NRG2: variants seen among roughly 807,000 people sequenced by gnomAD.
NRG2 encodes the protein neuregulin 2.
NRG2 carries 27 observed loss-of-function variants against 73.9 expected under a neutral mutation model. That is an observed-to-expected ratio of 0.37 (90% CI 0.27 to 0.50). NRG2 has a LOEUF of 0.50. Among genes scored for constraint, NRG2 ranks in the 20% least tolerant of loss-of-function variants. NRG2 has a pLI of 0.96. For synonymous variants in NRG2, 532 were observed against 541.0 expected (o/e 0.98, Z 0.23); for missense variants, 1,126 against 1,210.1 (o/e 0.93, Z 1.03).
rs1372637932 is a variant in NRG2 at position 139,874,106 on chromosome 5, CA to C, written c.992-2266del. On this transcript the variant is annotated intron_variant, in intron 3 of 9. Transcript: ENST00000361474. ...CCAAGATACTGCAGCCCAACTCTGC[CA>C]GTGGCAAAGCCATACTCCAGGGAGA... 3.9e-5 allele frequency among the ~76,000 whole-genome samples: 6 copies of C among 152,230 alleles called. No homozygotes were observed. The East Asian group carries it at 9.6e-4, about 24-fold the overall frequency.
chr5:139,852,940 G>C lies in NRG2; in HGVS notation c.1380C>G (p.His460Gln). The change falls in exon 7 of 10, where the codon CAC becomes CAG. Residue 460 changes from histidine to glutamine, a missense_variant. Physicochemically the swap from His to Gln is conservative, Grantham distance 24. This residue lies in a region of NRG2 where 539 missense variants were observed against 703.2 expected (regional missense o/e 0.77). Coordinates refer to ENST00000361474, the MANE Select transcript of NRG2 (RefSeq NM_004883.3). This position sits in a 1 kb window ranked among gnomAD's most constrained non-coding sequence, Gnocchi z 4.4. ...QNRSLANGPS[H>Q]PRLDPEEIQM... ...GGATCTCCTCTGGGTCCAGCCGGGGGTGGCTGGGCCCATTGGCCAAGCTCC... is the reference window on the plus strand; with the variant it reads ...GGATCTCCTCTGGGTCCAGCCGGGGCTGGCTGGGCCCATTGGCCAAGCTCC... The C allele has an allele frequency of 6.2e-7, 1 of 1,612,012 alleles. No homozygotes were observed. Among genetic ancestry groups the C allele is most frequent in the Middle Eastern group, 1.7e-4 (1 of 6,050 alleles).
In NRG2 at chr5:139,894,100, C is replaced by G. The variant is rs934124561; in HGVS notation, c.701-6589G>C. ...GCCAGCAGCTTAACCTCATTCCTCTCGGCAGTGGGCGGTGGGTGCGGAGCC... is the reference window on the plus strand; with the variant it reads ...GCCAGCAGCTTAACCTCATTCCTCTGGGCAGTGGGCGGTGGGTGCGGAGCC... On this transcript the variant is annotated intron_variant, in intron 1 of 9. Transcript: ENST00000361474. The surrounding 1 kb of genome is among the most constrained non-coding windows in gnomAD (Gnocchi z 5.0). 6.6e-6 allele frequency among the ~76,000 whole-genome samples: 1 copy of G among 152,324 alleles called. No homozygotes were observed. Among genetic ancestry groups the G allele is most frequent in the African/African-American group, 2.4e-5 (1 of 41,574 alleles).
intron 1 of NRG2, among the ~76,000 whole-genome samples, chr5:139,988,235 G>A (rs2126583465): frequency 6.6e-6 from 1 of 152,148 alleles, no homozygotes; most frequent in East Asian, 1.9e-4. Context: ...TTGGAAGATA[G>A]TTTGACAGTT....
chr5:139,963,488 T>C (rs1755238785), intron 1 of NRG2, among the ~76,000 whole-genome samples: 1 of 152,222 alleles, frequency 6.6e-6, no homozygotes, highest in South Asian at 2.1e-4. Flanking sequence ...CATATCTCCC[T>C]GAGATTCCTC....
rs1463593397 is a variant in NRG2, at chr5:139,904,611, G to C, written c.701-17100C>G. On this transcript the variant is annotated intron_variant, in intron 1 of 9. Transcript: ENST00000361474. The surrounding 1 kb of genome is among the most constrained non-coding windows in gnomAD (Gnocchi z 6.0). Reference sequence around the variant, plus strand: ...CTCGGGCCGCGGGGGCGTGTGGGCGGCCGGTCTGGGCCCTAGGCCCCCTCC... The same window carrying C: ...CTCGGGCCGCGGGGGCGTGTGGGCGCCCGGTCTGGGCCCTAGGCCCCCTCC... Among the ~76,000 whole-genome samples the C allele has an allele frequency of 6.6e-6, 1 of 152,156 alleles. No homozygotes were observed. The highest frequency in any genetic ancestry group is 1.5e-5 in the Non-Finnish European group (1 of 68,002).
chr5:139,968,188 G>A (rs1755691457), intron 1 of NRG2, among the ~76,000 whole-genome samples: 1 of 152,000 alleles, frequency 6.6e-6, no homozygotes, highest in Non-Finnish European at 1.5e-5. Context: ...ATGAAATACC[G>A]AGGCTGGGCC....
intron 5 of NRG2, among the ~76,000 whole-genome samples, chr5:139,861,114 CCT>C (rs951015736): frequency 1.3e-5 from 2 of 152,176 alleles, no homozygotes; most frequent in Non-Finnish European, 2.9e-5. Context: ...AGCCATAATC[CCT>C]GTTTCCTTGT....
At chr5:139,927,465 T>C (rs1053825951) in intron 1 of NRG2, among the ~76,000 whole-genome samples, 4 of 152,142 alleles carry the variant, frequency 2.6e-5, no homozygotes, top group Non-Finnish European at 5.9e-5. Flanking sequence ...GTTCAGAAAC[T>C]GTGGGATAGC....
intron 1 of NRG2, among the ~76,000 whole-genome samples, chr5:140,030,928 T>A (rs185465417): frequency 6.6e-6 from 1 of 152,310 alleles, no homozygotes; most frequent in East Asian, 1.9e-4. Flanking sequence ...ACTAGCCTTT[T>A]TGGAGAAAGG....
In NRG2 at chr5:140,042,428, G is replaced by C; in HGVS notation, c.642C>G (p.Leu214=). The C allele has an allele frequency of 6.2e-7, 1 of 1,608,660 alleles. No individual in the cohort carries two copies. The highest frequency in any genetic ancestry group is 8.5e-7 in the Non-Finnish European group (1 of 1,177,640). ...TCTTGAGATTTTTGCCGTTGGTATC[G>C]AGGGGGGCAAAGGCCGTCTTAAAGA... The part of the protein sequence containing the change: ...PLVFKTAFAP[L]DTNGKNLKKE... Residue 214 remains leucine, a synonymous_variant, in exon 1 of 10, where the codon CTC becomes CTG. Transcript: ENST00000361474.
intron 1 of NRG2, among the ~76,000 whole-genome samples, chr5:140,023,291 T>A (rs541026890): frequency 8.7e-4 from 133 of 152,160 alleles, no homozygotes; most frequent in African/African-American, 2.8e-3. Context: ...ACCATGCTAA[T>A]CTCCTTGTGG....
At chr5:139,961,926 C>T (rs1561711453) in intron 1 of NRG2, among the ~76,000 whole-genome samples, 1 of 152,160 alleles carries the variant, frequency 6.6e-6, no homozygotes, top group Non-Finnish European at 1.5e-5. Flanking sequence ...AATGTGGGGG[C>T]CGAGGCAGCC....
At chr5:139,941,140 A>T (rs1014292289) in intron 1 of NRG2, among the ~76,000 whole-genome samples, 3 of 152,150 alleles carry the variant, frequency 2.0e-5, no homozygotes, top group Non-Finnish European at 4.4e-5. Context: ...TATGAGACTG[A>T]TGGGGGCTGG....
At chr5:139,872,687 G>A (rs747639601) in intron 3 of NRG2, among the ~76,000 whole-genome samples, 2 of 152,168 alleles carry the variant, frequency 1.3e-5, no homozygotes, top group South Asian at 2.1e-4. Context: ...GGAGAGCAAG[G>A]CTGGGCCTTA....
At chr5:139,948,281 C>A (rs73791250) in intron 1 of NRG2, among the ~76,000 whole-genome samples, 1 of 152,172 alleles carries the variant, frequency 6.6e-6, no homozygotes, top group Non-Finnish European at 1.5e-5. Flanking sequence ...CAGAACGGAA[C>A]CAGTCTCATT....
intron 1 of NRG2, among the ~76,000 whole-genome samples, chr5:139,916,681 G>T (rs907485867): frequency 1.1e-4 from 16 of 152,080 alleles, no homozygotes; most frequent in African/African-American, 3.6e-4. Context: ...CTTTCACTAG[G>T]TATAATGTTT....
intron 1 of NRG2, among the ~76,000 whole-genome samples, chr5:140,003,276 G>GC (rs1429805911): frequency 3.3e-5 from 5 of 152,054 alleles, no homozygotes; most frequent in East Asian, 1.9e-4. Context: ...TCAGAACAGT[G>GC]CCCCCCTCCC....
intron 1 of NRG2, among the ~76,000 whole-genome samples, chr5:139,902,320 T>G (rs1239445454): frequency 1.3e-5 from 2 of 152,206 alleles, no homozygotes; most frequent in Non-Finnish European, 2.9e-5. Context: ...CCAGCACTCC[T>G]GCACTGAGGC....
Position 139,852,698 on chromosome 5 carries a change from G to C in NRG2, c.1417-139C>G. The C allele has an allele frequency of 7.0e-7, 1 of 1,423,682 alleles. No individual in the cohort carries two copies. The highest frequency in any genetic ancestry group is 9.6e-7 in the Non-Finnish European group (1 of 1,043,078). The allele number at this position is 1,423,682 out of a possible 1,614,324, so 88.2% of individuals were successfully genotyped here. A position where few individuals can be genotyped will look rare whatever the true frequency, so the allele number is the denominator to read the frequency against. On this transcript the variant is annotated intron_variant, in intron 7 of 9. Transcript: ENST00000361474. This position sits in a 1 kb window ranked among gnomAD's most constrained non-coding sequence, Gnocchi z 4.4. ...TGTGTGAGAGTGACTTGATGTTGGG[G>C]CAGCGATGGCTCCAGCAAATCAACC...
Sources: gnomAD v4.1 joint callset for allele counts (sites outside exome capture counted in the v4.1 genomes callset) on GRCh38, gnomAD v4.1.1 for gene constraint, gnomAD v4.1.1 regional missense constraint, Gnocchi (gnomAD v3.1) non-coding constraint, MANE v1.5 for transcripts, NCBI Gene and HGNC (gene_info 2026-07-23, HGNC 2026-07-21) for gene names.